Variants in IQSEC3 observed in about 807,000 individuals in gnomAD.
The protein encoded by IQSEC3 is IQ motif and SEC7 domain-containing protein 3.
Under a neutral mutation model 105.4 loss-of-function variants are expected in IQSEC3, and 50 were observed. The observed-to-expected ratio is 0.47, with a 90% CI of 0.38 to 0.60. IQSEC3 has a LOEUF of 0.60. IQSEC3 is among the 20% of genes least tolerant of loss of function. The pLI is 0.00. For synonymous variants in IQSEC3, 708 were observed against 746.0 expected, an observed-to-expected ratio of 0.95 and a Z score of 0.83; for missense variants, 1,415 against 1,630.0, an observed-to-expected ratio of 0.87 and a Z score of 2.27.
intron 2 of IQSEC3, among the ~76,000 whole-genome samples, chr12:110,253 T>C (rs1555079203): frequency 2.0e-5 from 3 of 152,166 alleles, no homozygotes; most frequent in Non-Finnish European, 4.4e-5. Context: ...GGTTTTTCAT[T>C]CCACCTATCA....
chr12:175,254 C>T lies in IQSEC3; in HGVS notation c.*221C>T. On this transcript the variant is annotated 3_prime_UTR_variant, in exon 14 of 14. Coordinates refer to ENST00000538872, the MANE Select transcript of IQSEC3 (RefSeq NM_001170738.2). Reference sequence around the variant, plus strand: ...TGCAGATCTGAAGACACACCTCACTCTCCCAGGGCCCTACACAGCCAGACC... The same window carrying T: ...TGCAGATCTGAAGACACACCTCACTTTCCCAGGGCCCTACACAGCCAGACC... 1.9e-6 allele frequency: 1 copy of T among 517,620 alleles called. No homozygotes were observed. Among genetic ancestry groups the T allele is most frequent in the South Asian group, 3.5e-5 (1 of 28,884 alleles). The allele number at this position is 517,620 out of a possible 1,614,324, so 32.1% of individuals were successfully genotyped here. A position where few individuals can be genotyped will look rare whatever the true frequency, so the allele number is the denominator to read the frequency against.
At chr12:72,485 A>C (rs1317309828) in intron 1 of IQSEC3, among the ~76,000 whole-genome samples, 3 of 139,872 alleles carry the variant, frequency 2.1e-5, no homozygotes, top group Non-Finnish European at 3.2e-5. Flanking sequence ...AGCATATCTC[A>C]GTGGCCCTGG....
intron 1 of IQSEC3, among the ~76,000 whole-genome samples, chr12:84,418 G>A (rs782257109): frequency 6.6e-6 from 1 of 152,260 alleles, no homozygotes; most frequent in Non-Finnish European, 1.5e-5. Context: ...GCATGTGTGC[G>A]TGTATGCCTG....
chr12:124,779 G>A (rs1257900633), intron 2 of IQSEC3, among the ~76,000 whole-genome samples: 13 of 152,220 alleles, frequency 8.5e-5, no homozygotes, highest in African/African-American at 3.1e-4. Context: ...TTGGAGGCTA[G>A]TGGGGAAGGA....
Position 109,389 on chromosome 12 carries a change from T to C in IQSEC3, c.623+10175T>C, listed in dbSNP as rs74054885. 2.0e-5 allele frequency among the ~76,000 whole-genome samples: 3 copies of C among 152,140 alleles called. 1 individual carries two copies. The highest frequency in any genetic ancestry group is 4.4e-5 in the Non-Finnish European group (3 of 68,028). ...ATAACCCTAGTTCGGATCTTCCTTA[T>C]GTAGCCCCCCGGCCTCTCTGCAGCC... is the stretch of plus-strand genomic sequence containing the variant. On this transcript the variant is annotated intron_variant, in intron 2 of 13. Transcript: ENST00000538872.
intron 2 of IQSEC3, among the ~76,000 whole-genome samples, chr12:101,493 G>A (rs956100847): frequency 6.6e-6 from 1 of 152,280 alleles, no homozygotes; most frequent in South Asian, 2.1e-4. Flanking sequence ...GGTGCTCCGG[G>A]GAGGGAGTGT....
chr12:100,202 G>T (rs11831446), intron 2 of IQSEC3, among the ~76,000 whole-genome samples: 10,940 of 152,150 alleles, frequency 0.072, 587 homozygotes, highest in African/African-American at 0.14. Flanking sequence ...TCATCCCGTC[G>T]AGTCTCTGAG....
In IQSEC3 at chr12:108,015, G is replaced by A. The variant is rs546019768; in HGVS notation, c.623+8801G>A. Among the ~76,000 whole-genome samples the A allele has an allele frequency of 4.6e-5, 7 of 152,288 alleles. No homozygotes were observed. The South Asian group carries it at 1.5e-3, about 32-fold the overall frequency. On this transcript the variant is annotated intron_variant, in intron 2 of 13. Coordinates refer to ENST00000538872, the MANE Select transcript of IQSEC3 (RefSeq NM_001170738.2). The stretch of plus-strand genomic sequence containing the variant: ...GTTGGGGTTTTAATACCACCTTAGG[G>A]ATATCTGGGATTAGGCCAAATAGTT...
In IQSEC3 at chr12:174,833, G is replaced by C; in HGVS notation, c.3349G>C (p.Ala1117Pro). 6.3e-7 allele frequency: 1 copy of C among 1,580,918 alleles called. No individual in the cohort carries two copies. Among genetic ancestry groups the C allele is most frequent in the Non-Finnish European group, 8.5e-7 (1 of 1,172,074 alleles). The change falls in exon 14 of 14, where the codon GCT becomes CCT. Residue 1117 changes from alanine (A) to proline (P), a missense_variant. Transcript: ENST00000538872. The part of the protein sequence containing the change: ...LARMEPLLSQ[A>P]LSCYTSSSSD... ...CCGCATGGAGCCCCTGCTGAGCCAG[G>C]CTCTCTCCTGCTACACCTCGTCGTC...
chr12:134,852 A>G (rs1468785660), intron 3 of IQSEC3, among the ~76,000 whole-genome samples: 235 of 130,064 alleles, frequency 1.8e-3, no homozygotes, highest in Middle Eastern at 0.011. Flanking sequence ...CTGGCCGGGC[A>G]CGGTGGCTCA....
At chr12:172,711 C>T (rs1317932341) in intron 13 of IQSEC3, among the ~76,000 whole-genome samples, 2 of 152,228 alleles carry the variant, frequency 1.3e-5, no homozygotes, top group Non-Finnish European at 2.9e-5. Context: ...GCTCATGTTC[C>T]ATCCTCTGTC....
chr12:105,376 G>A (rs1338212325), intron 2 of IQSEC3, among the ~76,000 whole-genome samples: 1 of 152,224 alleles, frequency 6.6e-6, no homozygotes, highest in Admixed American at 6.5e-5. Context: ...GGGCTCTGGG[G>A]TGGGACAGAG....
At chr12:121,700 T>G (rs1414617777) in intron 2 of IQSEC3, among the ~76,000 whole-genome samples, 2 of 152,152 alleles carry the variant, frequency 1.3e-5, no homozygotes, top group Admixed American at 1.3e-4. Context: ...GGGCTAAATG[T>G]TGAGAACACC....
At chr12:70,573 C>T (rs188630651) in intron 1 of IQSEC3, among the ~76,000 whole-genome samples, 9 of 152,268 alleles carry the variant, frequency 5.9e-5, no homozygotes, top group Admixed American at 3.3e-4. Flanking sequence ...TCAAGGCTCA[C>T]GGCATCTACA....
intron 2 of IQSEC3, among the ~76,000 whole-genome samples, chr12:100,661 GGT>G: frequency 6.6e-6 from 1 of 152,260 alleles, no homozygotes; most frequent in Non-Finnish European, 1.5e-5. Flanking sequence ...TGATGTTTTC[GGT>G]GTCCTCTGTG....
intron 2 of IQSEC3, among the ~76,000 whole-genome samples, chr12:104,356 C>G (rs1555077290): frequency 6.6e-6 from 1 of 152,192 alleles, no homozygotes; most frequent in African/African-American, 2.4e-5. Flanking sequence ...ATCCATTTCA[C>G]TGGATCTTAA....
chr12:139,569 G>A (rs563551210), intron 4 of IQSEC3: 6 of 438,600 alleles, frequency 1.4e-5, no homozygotes, highest in African/African-American at 2.0e-5. Context: ...TTTTAAGAAA[G>A]ATTAAAGGAA....
At chr12:105,508 G>T (rs782193472) in intron 2 of IQSEC3, among the ~76,000 whole-genome samples, 1 of 152,192 alleles carries the variant, frequency 6.6e-6, no homozygotes, top group South Asian at 2.1e-4. Context: ...GAATCCAGCC[G>T]ACCTGGGCTC....
chr12:154,334 GC>G (rs1866611381), intron 5 of IQSEC3, among the ~76,000 whole-genome samples: 2 of 152,182 alleles, frequency 1.3e-5, no homozygotes, highest in Non-Finnish European at 2.9e-5. Context: ...GCGGCAGCCT[GC>G]CCCCACAGTG....
Sources: allele counts gnomAD v4.1 joint callset (sites outside exome capture counted in the v4.1 genomes callset), GRCh38; gene constraint gnomAD v4.1.1; transcripts MANE v1.5; gene names NCBI Gene and HGNC (gene_info 2026-07-23, HGNC 2026-07-21).